The following TRPM8 variants were observed in gnomAD, a reference collection of about 807,000 sequenced individuals.
TRPM8 encodes the protein transient receptor potential cation channel subfamily M member 8.
In TRPM8, 110 loss-of-function variants were observed where a neutral mutation model predicts 133.7. The observed-to-expected ratio is 0.82, with a 90% CI of 0.70 to 0.96. The LOEUF is 0.96. TRPM8 is among the 40% of genes least tolerant of loss of function. The probability of loss-of-function intolerance (pLI) is 0.00; values close to 1 mark genes in which losing one functional copy is unlikely to be tolerated. For synonymous variants in TRPM8, 535 were observed against 532.3 expected (o/e 1.01, Z -0.07); for missense variants, 1,291 against 1,379.5 (o/e 0.94, Z 1.02).
chr2:233,981,979 C>T (rs947769185), intron 19 of TRPM8, 64 bp downstream of exon 19: 14 of 1,488,080 alleles, frequency 9.4e-6, no homozygotes, highest in South Asian at 1.4e-5. Flanking sequence ...TTTTAATGGT[C>T]GATAGGAGGA....
In TRPM8 at chr2:233,960,940, G is replaced by C; in HGVS notation, c.1527G>C (p.Leu509=). ...NHFSTLVYRN[L]QIAKNSYNDA... ...TCAGCACGCTTGTGTACCGGAATCT[G>C]CAGATCGCCAAGAATTCCTATAATG... Residue 509 remains leucine, a synonymous_variant, in exon 12 of 26, where the codon CTG becomes CTC. Transcript: ENST00000324695. The C allele has an allele frequency of 3.7e-6, 6 of 1,614,148 alleles. No individual in the cohort carries two copies. Among genetic ancestry groups the C allele is most frequent in the Non-Finnish European group, 5.1e-6 (6 of 1,180,038 alleles).
chr2:234,002,316 A>T (rs1186866700), intron 22 of TRPM8, among the ~76,000 whole-genome samples: 1 of 151,950 alleles, frequency 6.6e-6, no homozygotes, highest in Non-Finnish European at 1.5e-5. Context: ...TAAGGCTTGG[A>T]CTGTATCCTA....
chr2:233,929,133 T>A (rs1691633297), intron 2 of TRPM8, among the ~76,000 whole-genome samples: 1 of 152,150 alleles, frequency 6.6e-6, no homozygotes, highest in African/African-American at 2.4e-5. Context: ...AGGGGGATGG[T>A]ATGTGGATTT....
At chr2:233,973,761 AG>A (rs1231290743) in intron 17 of TRPM8, among the ~76,000 whole-genome samples, 3 of 152,180 alleles carry the variant, frequency 2.0e-5, no homozygotes, top group Non-Finnish European at 4.4e-5. Flanking sequence ...AGCAGCAGCG[AG>A]GGAATGGGAA....
In TRPM8 at chr2:233,950,038, G is replaced by A. The variant is rs199659763; in HGVS notation, c.1032G>A (p.Glu344=). 1.2e-6 allele frequency: 2 copies of A among 1,614,178 alleles called. No individual in the cohort carries two copies. Among genetic ancestry groups the A allele is most frequent in the African/African-American group, 1.3e-5 (1 of 75,058 alleles). Residue 344 remains glutamate (E), a synonymous_variant, in exon 9 of 26, where the codon GAG becomes GAA. Transcript: ENST00000324695. ...CTGATGTGATCGCTAGCCTGGTGGAGGTGGAGGATGCCCTGACATCTTCTG... is the reference window on the plus strand; with the variant it reads ...CTGATGTGATCGCTAGCCTGGTGGAAGTGGAGGATGCCCTGACATCTTCTG... ...QIADVIASLV[E]VEDALTSSAV... is the part of the protein sequence containing the mutation.
intron 22 of TRPM8, among the ~76,000 whole-genome samples, chr2:234,003,569 C>A (rs1466202089): frequency 2.0e-5 from 3 of 152,208 alleles, no homozygotes; most frequent in Admixed American, 6.5e-5. Context: ...GAAGCCATGT[C>A]ACGGCTGGTG....
chr2:233,964,838 G>C (rs750189466), intron 14 of TRPM8, 81 bp downstream of exon 14: 75 of 1,437,790 alleles, frequency 5.2e-5, no homozygotes, highest in Non-Finnish European at 6.7e-5. Context: ...TCATAGACCA[G>C]ATGGTGGAGG....
chr2:233,930,628 A>T, intron 2 of TRPM8, 40 bp from the exon 3 acceptor site: 1 of 1,399,568 alleles, frequency 7.1e-7, no homozygotes, highest in South Asian at 1.2e-5. Flanking sequence ...AGGGGTGAGA[A>T]TAAATTAGTA....
At chr2:233,921,233 T>G (rs1204081199) in intron 1 of TRPM8, among the ~76,000 whole-genome samples, 3 of 152,118 alleles carry the variant, frequency 2.0e-5, no homozygotes, top group African/African-American at 7.2e-5. Flanking sequence ...CGTCAGTAGA[T>G]TCGTATAACT....
chr2:233,992,391 T>C (rs1278800400), intron 21 of TRPM8, among the ~76,000 whole-genome samples: 2 of 152,142 alleles, frequency 1.3e-5, no homozygotes, highest in African/African-American at 2.4e-5. Flanking sequence ...GTACAAAAGA[T>C]GAATGACATA....
At position 233,966,633 on chromosome 2, in the gene TRPM8, A is replaced by C; in HGVS notation, c.1903A>C (p.Ser635Arg). The part of the protein sequence containing the change: ...AVELFTECYS[S>R]DEDLAEQLLV... ...AGAGCTGTTCACTGAGTGTTACAGC[A>C]GCGATGAAGACTTGGCAGAACAGCT... Residue 635 changes from serine to arginine, a missense_variant, in exon 15 of 26, where the codon AGC (serine) becomes CGC (arginine). Ser to Arg is a moderately radical substitution (Grantham distance 110). Coordinates refer to ENST00000324695, the MANE Select transcript of TRPM8 (RefSeq NM_024080.5). The C allele has an allele frequency of 4.3e-6, 7 of 1,614,142 alleles. No individual in the cohort carries two copies. Among genetic ancestry groups the C allele is most frequent in the Non-Finnish European group, 5.9e-6 (7 of 1,180,030 alleles).
chr2:233,963,617 G>A (rs1691493901), intron 13 of TRPM8, among the ~76,000 whole-genome samples: 2 of 152,114 alleles, frequency 1.3e-5, no homozygotes, highest in South Asian at 4.1e-4. Flanking sequence ...GTGTGTGTGG[G>A]TGTGTGATTG....
intron 2 of TRPM8, among the ~76,000 whole-genome samples, chr2:233,927,962 T>TCTCTCTCTCTCTCTCTCTCTC (rs1559516800): frequency 3.2e-5 from 1 of 31,422 alleles, no homozygotes; most frequent in Non-Finnish European, 5.0e-5. Flanking sequence ...CTCTCTCTCT[T>TCTCTCTCTCTCTCTCTCTCTC]TCTTTCTTTC....
intron 1 of TRPM8, among the ~76,000 whole-genome samples, chr2:233,919,189 A>G (rs1691360531): frequency 6.6e-6 from 1 of 152,142 alleles, no homozygotes; most frequent in Non-Finnish European, 1.5e-5. Context: ...GGATAATAAG[A>G]GCACACTAAT....
In TRPM8 at chr2:233,939,187, A is replaced by C; in HGVS notation, c.526+12A>C. 1 of 1,612,056 alleles carries C rather than the reference A, an allele frequency of 6.2e-7. No homozygotes were observed. Among genetic ancestry groups the C allele is most frequent in the Non-Finnish European group, 8.5e-7 (1 of 1,178,738 alleles). On this transcript the variant is annotated intron_variant, in intron 5 of 25. Coordinates refer to ENST00000324695, the MANE Select transcript of TRPM8 (RefSeq NM_024080.5). ...CGCGCAGTCCAAAGGTGAGGGTGGG[A>C]GCAGCGACCGCGGGTTCTTCCATTC...
chr2:234,017,249 G>A, intron 25 of TRPM8, 50 bp from the exon 26 acceptor site: 1 of 466,452 alleles, frequency 2.1e-6, no homozygotes, highest in East Asian at 7.0e-5. Context: ...GCCTGAGAAT[G>A]GAAGTGGGAA....
chr2:233,973,073 G>T (rs1691773383), intron 17 of TRPM8, among the ~76,000 whole-genome samples: 1 of 152,242 alleles, frequency 6.6e-6, no homozygotes, highest in Non-Finnish European at 1.5e-5. Context: ...TTGAACAGCA[G>T]GATTATCAGG....
intron 22 of TRPM8, among the ~76,000 whole-genome samples, chr2:233,997,908 C>T (rs1692451032): frequency 6.6e-6 from 1 of 152,160 alleles, no homozygotes; most frequent in Admixed American, 6.5e-5. Context: ...AGGGAGCCAG[C>T]ATCCAGCTCT....
chr2:233,992,730 G>A (rs918759072), intron 21 of TRPM8, among the ~76,000 whole-genome samples: 4 of 152,138 alleles, frequency 2.6e-5, no homozygotes, highest in African/African-American at 7.2e-5. Context: ...ATTCTCTCAG[G>A]GACAACACCA....
Sources: allele counts gnomAD v4.1 joint callset (sites outside exome capture counted in the v4.1 genomes callset), GRCh38; gene constraint gnomAD v4.1.1; transcripts MANE v1.5; gene names NCBI Gene and HGNC (gene_info 2026-07-23, HGNC 2026-07-21).